The following PATJ variants were observed in gnomAD, a reference collection of about 807,000 sequenced individuals.
PATJ encodes inaD-like protein.
Under a neutral mutation model 224.9 loss-of-function variants are expected in PATJ, and 190 were observed. The observed-to-expected ratio is 0.84, with a 90% confidence interval of 0.75 to 0.95. PATJ has a LOEUF of 0.95. Among genes scored for constraint, PATJ ranks in the 40% least tolerant of loss-of-function variants. PATJ has a pLI of 0.00. For missense variants in PATJ, 2,121 were observed against 2,270.3 expected, an observed-to-expected ratio of 0.93 and a Z score of 1.34; for synonymous variants, 769 against 820.3, an observed-to-expected ratio of 0.94 and a Z score of 1.07.
Position 61,833,717 on chromosome 1 carries a change from C to T in PATJ, c.2044C>T (p.Pro682Ser), listed in dbSNP as rs1355364798. The T allele has an allele frequency of 6.2e-7, 1 of 1,613,220 alleles. No homozygotes were observed. The highest frequency in any genetic ancestry group is 2.2e-5 in the East Asian group (1 of 44,842). The change falls in exon 17 of 44, where the codon CCT (proline) becomes TCT (serine). Residue 682 changes from proline to serine, a missense_variant. Transcript: ENST00000642238. ...TGATGGGGAATTAGCACTGTGGTCC[C>T]CTGAAGTCAAGATTGTTGAACTAGT... The part of the protein sequence containing the change: ...DDDGELALWS[P>S]EVKIVELVKD...
intron 29 of PATJ, among the ~76,000 whole-genome samples, chr1:62,036,457 T>C (rs1454695959): frequency 1.3e-5 from 2 of 152,104 alleles, no homozygotes; most frequent in Non-Finnish European, 2.9e-5. Context: ...TGTGGAACCA[T>C]ATGGTGAATG....
intron 43 of PATJ, among the ~76,000 whole-genome samples, chr1:62,156,697 C>T (rs372676534): frequency 1.3e-5 from 2 of 151,836 alleles, no homozygotes; most frequent in African/African-American, 4.8e-5. Flanking sequence ...AGGAGGATGG[C>T]TTGAGCCCAG....
chr1:61,753,217 A>G (rs1645428996), intron 1 of PATJ, among the ~76,000 whole-genome samples: 1 of 152,170 alleles, frequency 6.6e-6, no homozygotes, highest in Non-Finnish European at 1.5e-5. Context: ...AAATATAATT[A>G]TATTTACACT....
intron 14 of PATJ, among the ~76,000 whole-genome samples, chr1:61,818,898 C>A (rs1656711226): frequency 6.6e-6 from 1 of 152,082 alleles, no homozygotes. Flanking sequence ...AGGATTGGAA[C>A]CAGTTCTTGC....
chr1:61,992,116 TC>T (rs1243924962), intron 28 of PATJ, among the ~76,000 whole-genome samples: 1 of 137,272 alleles, frequency 7.3e-6, no homozygotes, highest in African/African-American at 2.9e-5. Flanking sequence ...CCTGTGGGAT[TC>T]TTTTTTTTTT....
chr1:61,842,906 A>G (rs1661350383), intron 17 of PATJ, among the ~76,000 whole-genome samples: 1 of 152,202 alleles, frequency 6.6e-6, no homozygotes, highest in South Asian at 2.1e-4. Flanking sequence ...GAACCATGGT[A>G]GTAGATAAAG....
chr1:61,951,220 T>C (rs956626502), intron 27 of PATJ, among the ~76,000 whole-genome samples: 70 of 152,138 alleles, frequency 4.6e-4, no homozygotes, highest in Non-Finnish European at 1.5e-4. Flanking sequence ...GTAGAATTTG[T>C]ATTCTAGCTC....
intron 18 of PATJ, among the ~76,000 whole-genome samples, 187 bp from the exon 19 acceptor site, chr1:61,861,364 A>G (rs560414154): frequency 7.8e-6 from 1 of 127,564 alleles, no homozygotes; most frequent in Non-Finnish European, 1.6e-5. Context: ...TCTGGGATAC[A>G]TGTGCAGAAT....
intron 33 of PATJ, among the ~76,000 whole-genome samples, chr1:62,108,017 C>G (rs1277463424): frequency 6.6e-6 from 1 of 152,116 alleles, no homozygotes; most frequent in Non-Finnish European, 1.5e-5. Context: ...CTTTCATTGC[C>G]CAAGTAATAA....
intron 17 of PATJ, among the ~76,000 whole-genome samples, chr1:61,840,149 T>G (rs975628187): frequency 1.3e-5 from 2 of 152,008 alleles, no homozygotes; most frequent in South Asian, 4.1e-4. Context: ...AAAAATCTAG[T>G]GTGTAGTTTT....
intron 27 of PATJ, among the ~76,000 whole-genome samples, chr1:61,958,491 C>T (rs1483691989): frequency 6.6e-6 from 1 of 151,988 alleles, no homozygotes; most frequent in African/African-American, 2.4e-5. Flanking sequence ...ATCTATACAC[C>T]TTAAAGCCCT....
In PATJ at chr1:62,108,492, G is replaced by T. The variant is rs749035582; in HGVS notation, c.4433G>T (p.Arg1478Ile). The T allele has an allele frequency of 6.2e-7, 1 of 1,609,412 alleles. No homozygotes were observed. The highest frequency in any genetic ancestry group is 8.5e-7 in the Non-Finnish European group (1 of 1,176,592). Residue 1478 changes from arginine (R) to isoleucine (I), a missense_variant, in exon 34 of 44, where the codon AGA (arginine) becomes ATA (isoleucine). Coordinates refer to ENST00000642238, the MANE Select transcript of PATJ (RefSeq NM_001350145.3). Reference protein sequence around the residue: ...YEEGAAARDGRLWAGDQILEV... With the variant: ...YEEGAAARDGILWAGDQILEV... ...GAAGGGGCAGCAGCCAGAGATGGAA[G>T]ACTTTGGGCTGGTGACCAGATATTA...
chr1:61,775,332 C>T lies in PATJ; in HGVS notation c.847C>T (p.Arg283Ter), dbSNP rs746342538. 9 of 1,604,162 alleles carry T rather than the reference C, an allele frequency of 5.6e-6. No homozygotes were observed. The highest frequency in any genetic ancestry group is 1.3e-5 in the African/African-American group (1 of 74,352). ...TATAGTTCCTGGAGGATTAGCAGAT[C>T]GAGTAAGTCAACCTTCCTTGTTATC... ...RTIVPGGLAD[R>*]DGRLQTGDHI... Residue 283 changes from arginine to a stop codon, truncating the protein, a stop_gained and splice_region_variant, in exon 7 of 44, where the codon CGA (arginine) becomes TGA (stop). Transcript: ENST00000642238. LOFTEE classifies it high-confidence loss of function.
chr1:61,768,265 C>T (rs189280567), intron 4 of PATJ, among the ~76,000 whole-genome samples: 235 of 151,776 alleles, frequency 1.5e-3, no homozygotes, highest in African/African-American at 5.2e-3. Flanking sequence ...GTCAGGAGAT[C>T]GAGACCATCC....
chr1:61,851,118 AT>A (rs1662744674), intron 17 of PATJ, among the ~76,000 whole-genome samples: 1 of 152,226 alleles, frequency 6.6e-6, no homozygotes, highest in African/African-American at 2.4e-5. Context: ...GTAGGAAGTA[AT>A]TTAAAGGAAA....
chr1:61,956,688 T>G (rs1423218387), intron 27 of PATJ, among the ~76,000 whole-genome samples: 1 of 152,196 alleles, frequency 6.6e-6, no homozygotes, highest in African/African-American at 2.4e-5. Flanking sequence ...AAAATTACAT[T>G]GGTTGTGGCT....
At chr1:61,899,237 C>T (rs1488262241) in intron 22 of PATJ, among the ~76,000 whole-genome samples, 1 of 152,076 alleles carries the variant, frequency 6.6e-6, no homozygotes, top group Non-Finnish European at 1.5e-5. Flanking sequence ...GCTGGTCAAA[C>T]AATACCAAGT....
At chr1:61,915,373 A>T (rs1424962419) in intron 26 of PATJ, among the ~76,000 whole-genome samples, 1 of 152,218 alleles carries the variant, frequency 6.6e-6, no homozygotes, top group Non-Finnish European at 1.5e-5. Flanking sequence ...ATCCCAGTAC[A>T]AATGCTGCAC....
At chr1:62,159,532 C>T (rs1669635467) in intron 43 of PATJ, among the ~76,000 whole-genome samples, 1 of 149,822 alleles carries the variant, frequency 6.7e-6, no homozygotes, top group African/African-American at 2.5e-5. Flanking sequence ...ATTTTGCCCA[C>T]AGTATAGACC....
Sources: allele counts gnomAD v4.1 joint callset (sites outside exome capture counted in the v4.1 genomes callset), GRCh38; gene constraint gnomAD v4.1.1; transcripts MANE v1.5; gene names NCBI Gene and HGNC (gene_info 2026-07-23, HGNC 2026-07-21).